Variants in DDB1 observed in about 807,000 individuals in gnomAD.
DDB1 encodes DNA damage-binding protein 1.
A neutral mutation model predicts 133.1 loss-of-function variants in DDB1; 18 were observed. That is an observed-to-expected ratio of 0.14 (90% CI 0.09 to 0.20). The LOEUF (loss-of-function observed/expected upper bound fraction) is 0.20. Ranked by LOEUF, DDB1 falls within the 10% of genes least tolerant of loss-of-function variation. DDB1 has a pLI of 1.00. For missense variants in DDB1, 828 were observed against 1,459.2 expected, an observed-to-expected ratio of 0.57 and a Z score of 7.05; for synonymous variants, 580 against 550.5, an observed-to-expected ratio of 1.05 and a Z score of -0.75.
Position 61,316,966 on chromosome 11 carries a change from T to G in DDB1, c.1226-399A>C, listed in dbSNP as rs56315805. ...GGATAGATATATATATATATATATATATATATATATATATATATATATATA... is the reference window on the plus strand; with the variant it reads ...GGATAGATATATATATATATATATAGATATATATATATATATATATATATA... On this transcript the variant is annotated intron_variant, in intron 10 of 26. Coordinates refer to ENST00000301764, the MANE Select transcript of DDB1 (RefSeq NM_001923.5). 1.7e-3 allele frequency among the ~76,000 whole-genome samples: 50 copies of G among 28,848 alleles called. 4 individuals carry two copies. Among genetic ancestry groups the G allele is most frequent in the Middle Eastern group, 0.012 (1 of 82 alleles). The allele number at this position is 28,848 out of a possible 152,430, so 18.9% of individuals were successfully genotyped here.
At chr11:61,322,945 A>C in intron 8 of DDB1, 66 bp downstream of exon 8, 1 of 1,325,896 alleles carries the variant, frequency 7.5e-7, no homozygotes. Flanking sequence ...TGCCAAACAT[A>C]GGAGAAATTT....
Position 61,303,188 on chromosome 11 carries a change from A to G in DDB1, c.2833-33T>C, listed in dbSNP as rs189665781. 6.9e-5 allele frequency: 111 copies of G among 1,598,060 alleles called. No individual in the cohort carries two copies. The African/African-American group carries it at 1.1e-3, about 16-fold the overall frequency. On this transcript the variant is annotated intron_variant, in intron 22 of 26. Transcript: ENST00000301764. ...CAGACAAGGTGAAAGAAGAAAGCATAATCAGCAGTTTGCACGGAATCCAGT... is the reference window on the plus strand; with the variant it reads ...CAGACAAGGTGAAAGAAGAAAGCATGATCAGCAGTTTGCACGGAATCCAGT...
Position 61,303,171 on chromosome 11 carries a change from G to A in DDB1, c.2833-16C>T. The A allele has an allele frequency of 6.2e-7, 1 of 1,610,150 alleles. No homozygotes were observed. The highest frequency in any genetic ancestry group is 8.5e-7 in the Non-Finnish European group (1 of 1,176,490). On this transcript the variant is annotated splice_polypyrimidine_tract_variant and intron_variant, in intron 22 of 26. Transcript: ENST00000301764. ...CTCGAGCAATCTTAAAACAGACAAGGTGAAAGAAGAAAGCATAATCAGCAG... is the reference window on the plus strand; with the variant it reads ...CTCGAGCAATCTTAAAACAGACAAGATGAAAGAAGAAAGCATAATCAGCAG...
intron 16 of DDB1, among the ~76,000 whole-genome samples, chr11:61,312,373 T>C (rs1462845880): frequency 6.6e-6 from 1 of 152,210 alleles, no homozygotes; most frequent in Non-Finnish European, 1.5e-5. Context: ...TTCAAACTAC[T>C]GCCTGTGTCA....
rs993975736 is a variant in DDB1 at position 61,303,991 on chromosome 11, C to T, written c.2706G>A (p.Glu902=). The change falls in exon 22 of 27, where the codon GAG becomes GAA. Residue 902 remains glutamate (E), a synonymous_variant. Coordinates refer to ENST00000301764, the MANE Select transcript of DDB1 (RefSeq NM_001923.5). ...EWTTEKELRT[E]CNHYNNIMAL... The stretch of plus-strand genomic sequence containing the variant: ...CCATGATGTTGTTGTAGTGGTTGCA[C>T]TCAGTGCGCAGCTCCTTCTCTGTTG... The T allele has an allele frequency of 6.2e-7, 1 of 1,614,088 alleles. No homozygotes were observed. Among genetic ancestry groups the T allele is most frequent in the African/African-American group, 1.3e-5 (1 of 75,024 alleles).
intron 4 of DDB1, among the ~76,000 whole-genome samples, chr11:61,328,084 G>A (rs537541860): frequency 1.3e-5 from 2 of 152,266 alleles, no homozygotes; most frequent in South Asian, 4.1e-4. Flanking sequence ...TGGCAGCCCT[G>A]AAGCTTAGAA....
chr11:61,310,486 G>A, intron 18 of DDB1, 68 bp from the exon 19 acceptor site: 1 of 1,503,834 alleles, frequency 6.6e-7, no homozygotes. Context: ...TCATTGTGAA[G>A]GGACCCGTCA....
chr11:61,314,465 A>T lies in DDB1; in HGVS notation c.1432T>A (p.Leu478Met). 1 of 1,613,086 alleles carries T rather than the reference A, an allele frequency of 6.2e-7. No homozygotes were observed. Among genetic ancestry groups the T allele is most frequent in the East Asian group, 2.2e-5 (1 of 44,886 alleles). The change falls in exon 13 of 27, where the codon TTG becomes ATG. Residue 478 changes from leucine to methionine, a missense_variant. Transcript: ENST00000301764. Reference protein sequence around the residue: ...LIQITSASVRLVSQEPKALVS... With the variant: ...LIQITSASVRMVSQEPKALVS... ...AGAGCTTTGGGTTCTTGAGAGACCA[A>T]CCTCACCGATGCTGAAGTGATCTAG...
chr11:61,324,576 C>T (rs1308527728), intron 6 of DDB1, among the ~76,000 whole-genome samples: 4 of 152,010 alleles, frequency 2.6e-5, no homozygotes, highest in Admixed American at 1.3e-4. Context: ...GGCTAAAGTA[C>T]GGTGGCTATT....
chr11:61,314,597 G>T, intron 12 of DDB1, 111 bp from the exon 13 acceptor site: 1 of 1,094,978 alleles, frequency 9.1e-7, no homozygotes, highest in Non-Finnish European at 1.3e-6. Context: ...AGCTACATGA[G>T]GCTTCTATTT....
intron 2 of DDB1, 37 bp downstream of exon 2, chr11:61,331,506 T>G (rs1348990758): frequency 6.2e-7 from 1 of 1,600,272 alleles, no homozygotes; most frequent in Non-Finnish European, 8.5e-7. Context: ...CGACCAACAG[T>G]TCCCCCTCCA....
chr11:61,323,360 A>G, intron 7 of DDB1: 1 of 431,114 alleles, frequency 2.3e-6, no homozygotes, highest in South Asian at 3.4e-5. Flanking sequence ...CTAAGTATTA[A>G]TATTAAACTT....
intron 25 of DDB1, chr11:61,301,182 G>C (rs142370481): frequency 2.1e-6 from 1 of 466,858 alleles, no homozygotes; most frequent in East Asian, 4.4e-5. Flanking sequence ...GTCTATTAAT[G>C]TGAAGCCCGT....
In DDB1 at chr11:61,332,992, G is replaced by A. The variant is rs911759058; in HGVS notation, c.-24C>T. 1.1e-5 allele frequency: 17 copies of A among 1,488,816 alleles called. No homozygotes were observed. Among genetic ancestry groups the A allele is most frequent in the Non-Finnish European group, 1.5e-5 (17 of 1,110,614 alleles). 92.2% of individuals were successfully genotyped at this position (1,488,816 alleles called of 1,614,324 possible). On this transcript the variant is annotated 5_prime_UTR_variant, in exon 1 of 27. Coordinates refer to ENST00000301764, the MANE Select transcript of DDB1 (RefSeq NM_001923.5). ...ATGTCGAGGCTTGGAGCGGCCCGTC[G>A]GGACTCGAGCGCGACACTAGAAAGA...
chr11:61,327,224 C>T (rs1052522377), intron 4 of DDB1, among the ~76,000 whole-genome samples: 10 of 152,186 alleles, frequency 6.6e-5, no homozygotes, highest in Non-Finnish European at 1.5e-5. Flanking sequence ...AATCCCAGAA[C>T]TTTGGAAGGC....
At chr11:61,318,661 T>C (rs1385064582) in intron 10 of DDB1, among the ~76,000 whole-genome samples, 1 of 152,236 alleles carries the variant, frequency 6.6e-6, no homozygotes. Context: ...TGTCATTTCT[T>C]CTGACTTACC....
intron 21 of DDB1, among the ~76,000 whole-genome samples, chr11:61,307,414 G>A (rs1855896283): frequency 6.6e-6 from 1 of 152,184 alleles, no homozygotes; most frequent in Admixed American, 6.5e-5. Flanking sequence ...AGCAACACTT[G>A]GAGTTTACCA....
chr11:61,331,846 C>T (rs940931550), intron 1 of DDB1, 155 bp from the exon 2 acceptor site: 3 of 1,005,056 alleles, frequency 3.0e-6, no homozygotes, highest in South Asian at 1.6e-5. Context: ...TTGCCAAATC[C>T]GGCACCTCAA....
intron 1 of DDB1, 42 bp from the exon 2 acceptor site, chr11:61,331,733 G>A: frequency 1.7e-5 from 27 of 1,610,456 alleles, no homozygotes; most frequent in Non-Finnish European, 2.2e-5. Flanking sequence ...CAGGGGAAGG[G>A]CCTCCCATCC....
Sources: allele counts gnomAD v4.1 joint callset (sites outside exome capture counted in the v4.1 genomes callset), GRCh38; gene constraint gnomAD v4.1.1; transcripts MANE v1.5; gene names NCBI Gene and HGNC (gene_info 2026-07-23, HGNC 2026-07-21).